Variants in KLHL13 observed in about 807,000 individuals in gnomAD.
KLHL13 encodes the protein kelch-like protein 13.
KLHL13 carries 10 observed loss-of-function variants against 37.1 expected under a neutral mutation model. The ratio of observed to expected loss-of-function variants is 0.27; its 90% CI spans 0.17 to 0.46. KLHL13 has a LOEUF of 0.46. KLHL13 is among the 20% of genes least tolerant of loss of function. The pLI, the probability that KLHL13 is intolerant of heterozygous loss-of-function variation, is 1.00. For missense variants in KLHL13, 360 were observed against 509.3 expected, an observed-to-expected ratio of 0.71 and a Z score of 2.82; for synonymous variants, 163 against 181.2, an observed-to-expected ratio of 0.90 and a Z score of 0.81.
intron 1 of KLHL13, chrX:117,947,315 G>A (rs910828048): frequency 4.5e-5 from 5 of 111,910 alleles, no homozygotes; most frequent in African/African-American, 1.6e-4. Flanking sequence ...TCCCTGCACA[G>A]AGCCTAGCAC....
At chrX:117,911,250 TAAG>T (rs1283717190) in intron 4 of KLHL13, among the ~76,000 whole-genome samples, 233 of 111,774 alleles carry the variant, frequency 2.1e-3, no homozygotes, top group African/African-American at 7.2e-3. Context: ...GGCAGATGGT[TAAG>T]AGAAAATAAA....
intron 1 of KLHL13, chrX:117,946,157 G>A (rs1368969665): frequency 2.7e-5 from 3 of 111,392 alleles, no homozygotes; most frequent in East Asian, 2.8e-4. Context: ...TTTATCTTCT[G>A]TTATTAGTAG....
At chrX:118,010,593 G>A (rs1456922107) in intron 1 of KLHL13, among the ~76,000 whole-genome samples, 1 of 70,407 alleles carries the variant, frequency 1.4e-5, no homozygotes, top group Admixed American at 1.7e-4. Flanking sequence ...ACTGTGGTGG[G>A]GTGGGGGGAG....
intron 1 of KLHL13, among the ~76,000 whole-genome samples, chrX:117,962,448 C>T (rs966783521): frequency 1.8e-5 from 2 of 110,158 alleles, no homozygotes; most frequent in Non-Finnish European, 3.8e-5. Context: ...CAGCACTGTC[C>T]GTGGCAGCTA....
chrX:118,042,024 C>T (rs2054511414), intron 1 of KLHL13, among the ~76,000 whole-genome samples: 1 of 111,385 alleles, frequency 9.0e-6, no homozygotes, highest in Non-Finnish European at 1.9e-5. Flanking sequence ...AAAGATATTC[C>T]ATGCAAATGG....
At chrX:118,052,484 T>C (rs1439973984) in intron 1 of KLHL13, among the ~76,000 whole-genome samples, 1 of 101,734 alleles carries the variant, frequency 9.8e-6, no homozygotes, top group East Asian at 3.1e-4. Flanking sequence ...GATGCGCCAC[T>C]GCACTCCAGC....
At chrX:118,070,766 A>ATTTATTTAT (rs745915715) in intron 1 of KLHL13, among the ~76,000 whole-genome samples, 1 of 104,433 alleles carries the variant, frequency 9.6e-6, no homozygotes, top group African/African-American at 3.7e-5. Flanking sequence ...TTATTTATTT[A>ATTTATTTAT]TTATTATACT....
intron 1 of KLHL13, among the ~76,000 whole-genome samples, chrX:118,049,581 G>T (rs1234904610): frequency 9.1e-6 from 1 of 110,023 alleles, no homozygotes; most frequent in Non-Finnish European, 1.9e-5. Context: ...TGCATTGAGT[G>T]GTGATTCTTC....
chrX:118,074,521 T>C (rs2054908153), intron 1 of KLHL13, among the ~76,000 whole-genome samples: 1 of 111,942 alleles, frequency 8.9e-6, no homozygotes, highest in East Asian at 2.8e-4. Flanking sequence ...GCTTTCTGTA[T>C]GAGCTGGCTG....
intron 1 of KLHL13, among the ~76,000 whole-genome samples, chrX:118,002,923 T>G (rs2053941082): frequency 8.9e-6 from 1 of 112,626 alleles, no homozygotes; most frequent in South Asian, 3.6e-4. Flanking sequence ...CCTATGTCTG[T>G]TTGGTGTTCC....
chrX:118,052,236 G>A (rs2054621988), intron 1 of KLHL13, among the ~76,000 whole-genome samples: 1 of 110,802 alleles, frequency 9.0e-6, no homozygotes, highest in South Asian at 3.8e-4. Context: ...TAGAGGGCCG[G>A]GTGCGGTGGC....
rs2053239172 is a variant in KLHL13 at position 117,958,459 on chromosome X, T to C, written c.99-12884A>G. ...ATTCCAAGGAGTTGGAAATCATGCA[T>C]AAGGGACAACTACTATATTCAATTA... is the stretch of plus-strand genomic sequence containing the variant. On this transcript the variant is annotated intron_variant, in intron 1 of 6. Transcript: ENST00000262820. 2.7e-5 allele frequency among the ~76,000 whole-genome samples: 3 copies of C among 110,480 alleles called. No homozygotes were observed. The South Asian group carries it at 1.2e-3, about 43-fold the overall frequency.
intron 1 of KLHL13, among the ~76,000 whole-genome samples, chrX:118,020,163 T>C (rs1311133324): frequency 8.9e-4 from 97 of 108,613 alleles, no homozygotes; most frequent in Non-Finnish European, 1.6e-3. Flanking sequence ...TCCTCTTTTA[T>C]TTCCTTGAGC....
intron 1 of KLHL13, among the ~76,000 whole-genome samples, chrX:118,093,511 G>A (rs977379766): frequency 9.0e-6 from 1 of 111,593 alleles, no homozygotes; most frequent in African/African-American, 3.2e-5. Context: ...TATTCACAAT[G>A]TTCGAGTACC....
At chrX:118,017,789 G>T (rs2054144315) in intron 1 of KLHL13, among the ~76,000 whole-genome samples, 1 of 111,470 alleles carries the variant, frequency 9.0e-6, no homozygotes, top group Non-Finnish European at 1.9e-5. Context: ...TTGTTAAAAT[G>T]GTAAAAATAT....
At chrX:118,097,850 T>C (rs2055231080) in intron 1 of KLHL13, among the ~76,000 whole-genome samples, 2 of 111,732 alleles carry the variant, frequency 1.8e-5, no homozygotes, top group African/African-American at 6.5e-5. Flanking sequence ...ATTTAATAAA[T>C]GGTGCTGGGA....
At chrX:117,957,288 G>T (rs939252396) in intron 1 of KLHL13, among the ~76,000 whole-genome samples, 11 of 111,668 alleles carry the variant, frequency 9.9e-5, no homozygotes, top group Non-Finnish European at 1.9e-4. Context: ...GCTCAGAAAA[G>T]CACTCCCTTG....
intron 1 of KLHL13, among the ~76,000 whole-genome samples, chrX:117,972,058 T>C (rs2053531879): frequency 8.9e-6 from 1 of 111,756 alleles, no homozygotes. Context: ...CTAGAAAGAC[T>C]TCCCAGTGCA....
At chrX:117,903,899 C>G (rs1363928909) in intron 5 of KLHL13, among the ~76,000 whole-genome samples, 4 of 111,219 alleles carry the variant, frequency 3.6e-5, no homozygotes, top group African/African-American at 1.3e-4. Flanking sequence ...ATGTTTAATT[C>G]AAACTGTTCC....
Sources: allele counts gnomAD v4.1 joint callset (sites outside exome capture counted in the v4.1 genomes callset), GRCh38; gene constraint gnomAD v4.1.1; transcripts MANE v1.5; gene names NCBI Gene and HGNC (gene_info 2026-07-23, HGNC 2026-07-21).